Variants in COMMD1 observed in about 807,000 individuals in gnomAD.
The protein encoded by COMMD1 is copper metabolism domain containing 1, also known as COMM domain-containing protein 1.
COMMD1 carries 10 observed loss-of-function variants against 17.2 expected under a neutral mutation model. The ratio of observed to expected loss-of-function variants is 0.58; its 90% CI spans 0.36 to 0.99. The LOEUF (loss-of-function observed/expected upper bound fraction) is 0.99, where lower values mean the gene tolerates loss of function less well. Ranked by LOEUF, COMMD1 falls within the 50% of genes least tolerant of loss-of-function variation. The pLI, the probability that COMMD1 is intolerant of heterozygous loss-of-function variation, is 0.01. For synonymous variants in COMMD1, 97 were observed against 91.6 expected (o/e 1.06, Z -0.34); for missense variants, 270 against 231.8 (o/e 1.17, Z -1.07).
At chr2:61,956,845 A>G (rs1671210978) in intron 1 of COMMD1, among the ~76,000 whole-genome samples, 1 of 151,404 alleles carries the variant, frequency 6.6e-6, no homozygotes, top group Non-Finnish European at 1.5e-5. Flanking sequence ...TTGCCTCCCG[A>G]GTTCAAGCAA....
At chr2:61,957,095 T>TGTGC (rs72267165) in intron 1 of COMMD1, among the ~76,000 whole-genome samples, 1 of 148,114 alleles carries the variant, frequency 6.8e-6, no homozygotes, top group Non-Finnish European at 1.5e-5. Flanking sequence ...TGCGTGTGTG[T>TGTGC]GTGTGTGTGT....
chr2:61,936,509 T>C (rs1670610980), intron 1 of COMMD1, among the ~76,000 whole-genome samples: 1 of 152,200 alleles, frequency 6.6e-6, no homozygotes, highest in Non-Finnish European at 1.5e-5. Context: ...CCAAACAACA[T>C]TTTAAGATAA....
At chr2:61,991,111 A>T (rs568110925) in intron 1 of COMMD1, among the ~76,000 whole-genome samples, 3 of 151,958 alleles carry the variant, frequency 2.0e-5, no homozygotes, top group Non-Finnish European at 2.9e-5. Context: ...AAAAGTGATG[A>T]ATTACATTTT....
At chr2:62,040,862 C>T (rs982603108) in intron 2 of COMMD1, among the ~76,000 whole-genome samples, 2 of 152,138 alleles carry the variant, frequency 1.3e-5, no homozygotes, top group African/African-American at 4.8e-5. Flanking sequence ...AGGTGTGCAC[C>T]ACCACACCTG....
At position 61,953,700 on chromosome 2, in the gene COMMD1, A is replaced by T. The variant is rs79226957; in HGVS notation, c.181-47001A>T. Among the ~76,000 whole-genome samples the T allele has an allele frequency of 4.6e-5, 7 of 152,288 alleles. No homozygotes were observed. In the East Asian group the frequency reaches 1.4e-3, roughly 29 times the overall value. On this transcript the variant is annotated intron_variant, in intron 1 of 2. Transcript: ENST00000311832. ...TATTTTTCTTTGAGCTATTTAGAAT[A>T]GAGCTCTTATTAATTGGTTAATACC...
At chr2:62,042,205 C>T (rs62149939) in intron 2 of COMMD1, among the ~76,000 whole-genome samples, 1 of 152,154 alleles carries the variant, frequency 6.6e-6, no homozygotes, top group African/African-American at 2.4e-5. Flanking sequence ...TAGCTAGACA[C>T]AAAAGTTCTC....
chr2:61,973,514 G>A (rs1331341588), intron 1 of COMMD1, among the ~76,000 whole-genome samples: 2 of 152,092 alleles, frequency 1.3e-5, no homozygotes, highest in African/African-American at 4.8e-5. Context: ...AAATATTTTC[G>A]CTTATTTATC....
intron 1 of COMMD1, among the ~76,000 whole-genome samples, chr2:61,972,655 A>AC (rs1267228947): frequency 1.3e-5 from 2 of 152,108 alleles, no homozygotes; most frequent in African/African-American, 2.4e-5. Context: ...AAAACACATA[A>AC]CCTTTGTCTA....
intron 2 of COMMD1, among the ~76,000 whole-genome samples, chr2:62,007,056 G>C (rs1669141566): frequency 6.6e-6 from 1 of 152,134 alleles, no homozygotes; most frequent in Non-Finnish European, 1.5e-5. Context: ...AATTGTTCTT[G>C]CACATAGATT....
intron 2 of COMMD1, among the ~76,000 whole-genome samples, chr2:62,080,189 A>T (rs779624542): frequency 1.3e-5 from 2 of 148,436 alleles, no homozygotes; most frequent in African/African-American, 4.9e-5. Flanking sequence ...GTAGTGGCTC[A>T]TGCCTGTAAT....
At chr2:61,941,458 C>T (rs959147607) in intron 1 of COMMD1, among the ~76,000 whole-genome samples, 1 of 152,192 alleles carries the variant, frequency 6.6e-6, no homozygotes, top group Admixed American at 6.5e-5. Context: ...TTCAGATTTA[C>T]CATGAACTGC....
At chr2:61,929,425 C>G (rs146212364) in intron 1 of COMMD1, among the ~76,000 whole-genome samples, 3 of 152,178 alleles carry the variant, frequency 2.0e-5, no homozygotes, top group Non-Finnish European at 2.9e-5. Flanking sequence ...AGGAACATCT[C>G]TCACTCTGAA....
intron 2 of COMMD1, among the ~76,000 whole-genome samples, chr2:62,003,243 C>CA (rs1285507280): frequency 3.5e-5 from 5 of 143,936 alleles, no homozygotes; most frequent in Admixed American, 1.4e-4. Context: ...AAAAAAAAAA[C>CA]AAAACAAAAC....
intron 2 of COMMD1, among the ~76,000 whole-genome samples, chr2:62,041,718 C>T (rs1446986541): frequency 6.6e-6 from 1 of 152,138 alleles, no homozygotes; most frequent in South Asian, 2.1e-4. Context: ...GCCGCGGACC[C>T]TCACGGGTGA....
intron 2 of COMMD1, among the ~76,000 whole-genome samples, chr2:62,035,621 C>T (rs1670017095): frequency 6.6e-6 from 1 of 151,548 alleles, no homozygotes; most frequent in African/African-American, 2.4e-5. Context: ...TGCCTGCAGC[C>T]CCAACTACTT....
chr2:61,913,986 A>G (rs1399506888), intron 1 of COMMD1, among the ~76,000 whole-genome samples: 2 of 152,000 alleles, frequency 1.3e-5, no homozygotes, highest in East Asian at 3.9e-4. Context: ...CCTGGCCAAC[A>G]TGGGGAAACC....
intron 1 of COMMD1, among the ~76,000 whole-genome samples, chr2:61,930,808 T>A (rs1343643787): frequency 6.6e-6 from 1 of 151,988 alleles, no homozygotes; most frequent in African/African-American, 2.4e-5. Flanking sequence ...ACTGAGGTAG[T>A]GTGTGTCTTT....
intron 1 of COMMD1, among the ~76,000 whole-genome samples, chr2:61,892,053 G>A (rs954857681): frequency 6.6e-6 from 1 of 151,616 alleles, no homozygotes; most frequent in Non-Finnish European, 1.5e-5. Flanking sequence ...GAATGGTCTC[G>A]ATCTCCTGAC....
intron 2 of COMMD1, among the ~76,000 whole-genome samples, chr2:62,128,335 G>GAAAAAAAAAAAAAAAAAAAA (rs55646038): frequency 8.1e-6 from 1 of 124,136 alleles, no homozygotes. Flanking sequence ...CTAAAAAAAA[G>GAAAAAAAAAAAAAAAAAAAA]AAAAAAAAAA....
Sources: gnomAD v4.1 joint callset for allele counts (sites outside exome capture counted in the v4.1 genomes callset) on GRCh38, gnomAD v4.1.1 for gene constraint, MANE v1.5 for transcripts, NCBI Gene and HGNC (gene_info 2026-07-23, HGNC 2026-07-21) for gene names.